PTPRG: variants seen among roughly 807,000 people sequenced by gnomAD.
PTPRG encodes protein tyrosine phosphatase receptor type G.
PTPRG carries 102 observed loss-of-function variants against 165.3 expected under a neutral mutation model. The observed-to-expected ratio is 0.62, with a 90% CI of 0.53 to 0.73. The LOEUF is 0.73. PTPRG is among the 30% of genes least tolerant of loss of function. The pLI is 0.00. For synonymous variants in PTPRG, 675 were observed against 669.5 expected (o/e 1.01, Z -0.13); for missense variants, 1,866 against 1,861.4 (o/e 1.00, Z -0.05).
At chr3:61,639,835 CAT>C (rs34746770) in intron 1 of PTPRG, among the ~76,000 whole-genome samples, 33,219 of 151,964 alleles carry the variant, frequency 0.22, 3,627 homozygotes, top group Middle Eastern at 0.28. Context: ...GTTATACAGT[CAT>C]ATCAGTGAAG....
At chr3:62,247,663 A>T (rs1701318908) in intron 15 of PTPRG, among the ~76,000 whole-genome samples, 1 of 152,174 alleles carries the variant, frequency 6.6e-6, no homozygotes, top group Admixed American at 6.5e-5. Context: ...TGTGATTTAA[A>T]TGACTTAGGA....
At chr3:62,218,719 G>T in intron 12 of PTPRG, 132 bp from the exon 13 acceptor site, 1 of 1,205,836 alleles carries the variant, frequency 8.3e-7, no homozygotes, top group South Asian at 1.5e-5. Flanking sequence ...TGCCCCTCCT[G>T]TCATGGGGCA....
At chr3:61,937,462 T>C (rs1204312590) in intron 2 of PTPRG, among the ~76,000 whole-genome samples, 2 of 152,216 alleles carry the variant, frequency 1.3e-5, no homozygotes, top group Non-Finnish European at 2.9e-5. Flanking sequence ...CTCTAGATAT[T>C]ATCAGATCCC....
chr3:62,222,531 G>A lies in PTPRG; in HGVS notation c.2288+3548G>A, dbSNP rs1339930638. ...ATTTGTCCATACCCCGGAGTCGTCTGGTGGCCAAAAGGATGGAACATTCTT... is the reference window on the plus strand; with the variant it reads ...ATTTGTCCATACCCCGGAGTCGTCTAGTGGCCAAAAGGATGGAACATTCTT... On this transcript the variant is annotated intron_variant, in intron 13 of 29. Coordinates refer to ENST00000474889, the MANE Select transcript of PTPRG (RefSeq NM_002841.4). The surrounding 1 kb of genome is among the most constrained non-coding windows in gnomAD (Gnocchi z 4.5). 1.3e-5 allele frequency among the ~76,000 whole-genome samples: 2 copies of A among 152,162 alleles called. No homozygotes were observed. The highest frequency in any genetic ancestry group is 4.8e-5 in the African/African-American group (2 of 41,434).
intron 2 of PTPRG, among the ~76,000 whole-genome samples, chr3:61,793,705 A>G (rs1298875725): frequency 6.6e-6 from 1 of 152,216 alleles, no homozygotes; most frequent in African/African-American, 2.4e-5. Context: ...GCAAATTGGC[A>G]GAAGTCCAGT....
rs545484678 is a variant in PTPRG, at chr3:61,953,191, C to T, written c.191-36434C>T. On this transcript the variant is annotated intron_variant, in intron 2 of 29. Coordinates refer to ENST00000474889, the MANE Select transcript of PTPRG (RefSeq NM_002841.4). ...CCTGGTTGAATTCTAGCTCCTGTTT[C>T]AGAAGCTTAGCTTTAATCACTTCCT... Among the ~76,000 whole-genome samples the T allele has an allele frequency of 1.7e-4, 26 of 152,288 alleles. No homozygotes were observed. In the South Asian group the frequency reaches 2.5e-3, roughly 15 times the overall value.
At chr3:62,242,324 C>CA (rs770922772) in intron 14 of PTPRG, among the ~76,000 whole-genome samples, 20 of 151,816 alleles carry the variant, frequency 1.3e-4, no homozygotes, top group Admixed American at 5.2e-4. Flanking sequence ...TCATAGGAAA[C>CA]AAAAAAAACA....
chr3:61,580,143 G>C (rs946506309), intron 1 of PTPRG, among the ~76,000 whole-genome samples: 1 of 152,094 alleles, frequency 6.6e-6, no homozygotes, highest in Non-Finnish European at 1.5e-5. Context: ...AAGCTCCTGG[G>C]GAGTCCAGAG....
At chr3:61,673,112 G>C (rs540370089) in intron 1 of PTPRG, among the ~76,000 whole-genome samples, 1 of 152,076 alleles carries the variant, frequency 6.6e-6, no homozygotes. Context: ...AGTAAGTGGC[G>C]ATCGTGGCAC....
At chr3:61,622,182 C>T (rs1701477489) in intron 1 of PTPRG, among the ~76,000 whole-genome samples, 1 of 152,154 alleles carries the variant, frequency 6.6e-6, no homozygotes, top group African/African-American at 2.4e-5. Context: ...CTTTTCTTGC[C>T]TCCCTCTCCA....
chr3:62,225,110 C>T (rs541808002), intron 13 of PTPRG, among the ~76,000 whole-genome samples: 1 of 152,268 alleles, frequency 6.6e-6, no homozygotes, highest in East Asian at 1.9e-4. Flanking sequence ...AAAATCAATT[C>T]AAAAGTTTTC....
chr3:62,197,570 G>A (rs2106824312), intron 10 of PTPRG, among the ~76,000 whole-genome samples: 1 of 152,216 alleles, frequency 6.6e-6, no homozygotes, highest in African/African-American at 2.4e-5. Context: ...CCAAGGCCAG[G>A]TCTGTGCTGG....
In PTPRG at chr3:62,218,949, C is replaced by G. The variant is rs919959614; in HGVS notation, c.2254C>G (p.Leu752Val). ...IVVSALTFVC[L>V]ILLIAVLVYW... ...GGTATCAGCCTTGACCTTCGTGTGCCTCATCCTTCTCATTGCTGTGCTCGT... is the reference window on the plus strand; with the variant it reads ...GGTATCAGCCTTGACCTTCGTGTGCGTCATCCTTCTCATTGCTGTGCTCGT... Residue 752 changes from leucine to valine, a missense_variant, in exon 13 of 30, where the codon CTC (leucine) becomes GTC (valine). Around this residue, in one of 3 missense-constraint regions of PTPRG, gnomAD observed 1,452 missense variants for 1,463.0 expected, o/e 0.99. Coordinates refer to ENST00000474889, the MANE Select transcript of PTPRG (RefSeq NM_002841.4). The G allele has an allele frequency of 4.3e-6, 7 of 1,614,036 alleles. No individual in the cohort carries two copies. The highest frequency in any genetic ancestry group is 5.9e-6 in the Non-Finnish European group (7 of 1,180,010).
intron 1 of PTPRG, among the ~76,000 whole-genome samples, chr3:61,657,609 A>G (rs771226658): frequency 1.4e-4 from 21 of 152,194 alleles, no homozygotes; most frequent in Non-Finnish European, 2.8e-4. Context: ...TGAATTATTG[A>G]TGATGCCTTT....
intron 1 of PTPRG, among the ~76,000 whole-genome samples, chr3:61,706,676 G>A (rs555956879): frequency 2.0e-4 from 30 of 152,034 alleles, no homozygotes; most frequent in Non-Finnish European, 3.4e-4. Context: ...TTTTAGTAGA[G>A]ATGGGGTTTC....
intron 5 of PTPRG, among the ~76,000 whole-genome samples, chr3:62,083,733 A>G (rs923667695): frequency 6.6e-6 from 1 of 152,150 alleles, no homozygotes; most frequent in Admixed American, 6.5e-5. Flanking sequence ...CACCCTCAGA[A>G]TTGGGTTCTG....
At position 62,222,025 on chromosome 3, in the gene PTPRG, C is replaced by G. The variant is rs1700663105; in HGVS notation, c.2288+3042C>G. 1.3e-5 allele frequency among the ~76,000 whole-genome samples: 2 copies of G among 152,230 alleles called. No homozygotes were observed. The highest frequency in any genetic ancestry group is 1.3e-4 in the Admixed American group (2 of 15,286). ...CAGATCTGTACGGTAGGTACTATCA[C>G]TGTCCTTTCTATTTGACCCACATTC... is the stretch of plus-strand genomic sequence containing the variant. On this transcript the variant is annotated intron_variant, in intron 13 of 29. Transcript: ENST00000474889. This position sits in a 1 kb window ranked among gnomAD's most constrained non-coding sequence, Gnocchi z 4.5.
intron 2 of PTPRG, among the ~76,000 whole-genome samples, chr3:61,809,063 T>C (rs73841159): frequency 0.037 from 5,628 of 150,324 alleles, 363 homozygotes; most frequent in African/African-American, 0.13. Flanking sequence ...ATATAATCCA[T>C]AGAGTTATCA....
At chr3:62,036,867 C>T (rs1370539602) in intron 4 of PTPRG, among the ~76,000 whole-genome samples, 1 of 152,192 alleles carries the variant, frequency 6.6e-6, no homozygotes, top group African/African-American at 2.4e-5. Flanking sequence ...ACACTCCATT[C>T]CTCTTTGTTG....
Sources: gnomAD v4.1 joint callset for allele counts (sites outside exome capture counted in the v4.1 genomes callset) on GRCh38, gnomAD v4.1.1 for gene constraint, gnomAD v4.1.1 regional missense constraint, Gnocchi (gnomAD v3.1) non-coding constraint, MANE v1.5 for transcripts, NCBI Gene and HGNC (gene_info 2026-07-23, HGNC 2026-07-21) for gene names.